GNAQ: variants seen among roughly 807,000 people sequenced by gnomAD.
GNAQ encodes the protein guanine nucleotide-binding protein G(q) subunit alpha.
Under a neutral mutation model 43.9 loss-of-function variants are expected in GNAQ, and 8 were observed. The ratio of observed to expected loss-of-function variants is 0.18; its 90% CI spans 0.11 to 0.33. The LOEUF is 0.33. Ranked by LOEUF, GNAQ falls within the 10% of genes least tolerant of loss-of-function variation. The pLI, the probability that GNAQ is intolerant of heterozygous loss-of-function variation, is 1.00. For missense variants in GNAQ, 158 were observed against 450.8 expected (o/e 0.35, Z 5.88); for synonymous variants, 155 against 170.7 (o/e 0.91, Z 0.71).
At chr9:78,028,020 TTATC>T (rs1436341116) in intron 1 of GNAQ, among the ~76,000 whole-genome samples, 1 of 152,122 alleles carries the variant, frequency 6.6e-6, no homozygotes, top group Non-Finnish European at 1.5e-5. Context: ...TTAAATGAGG[TTATC>T]TATGTACCAC....
intron 1 of GNAQ, among the ~76,000 whole-genome samples, chr9:77,943,456 G>A (rs1488892439): frequency 1.3e-5 from 2 of 152,128 alleles, no homozygotes; most frequent in African/African-American, 4.8e-5. Context: ...TTGACTTTCA[G>A]TAGTCACAGG....
At chr9:78,015,585 A>G (rs117197865) in intron 1 of GNAQ, among the ~76,000 whole-genome samples, 2,118 of 152,304 alleles carry the variant, frequency 0.014, 28 homozygotes, top group Non-Finnish European at 0.021. Flanking sequence ...ACAAACACAC[A>G]TATGCATTTT....
chr9:77,747,065 T>C lies in GNAQ; in HGVS notation c.736-18398A>G, dbSNP rs77985195. Among the ~76,000 whole-genome samples the C allele has an allele frequency of 3.3e-3, 509 of 152,216 alleles. 4 individuals are homozygous for C. Among genetic ancestry groups the C allele is most frequent in the African/African-American group, 0.012 (478 of 41,534 alleles). ...TACAGTTCTGGGAAGAAGATACATA[T>C]GAAACAGCTGGTGGTAGTTACCCAA... On this transcript the variant is annotated intron_variant, in intron 5 of 6. Coordinates refer to ENST00000286548, the MANE Select transcript of GNAQ (RefSeq NM_002072.5).
intron 1 of GNAQ, among the ~76,000 whole-genome samples, chr9:78,022,117 CAG>C (rs1032388683): frequency 6.6e-6 from 1 of 152,160 alleles, no homozygotes; most frequent in Non-Finnish European, 1.5e-5. Flanking sequence ...GCAGGGCACT[CAG>C]AGTTATTACA....
At chr9:77,728,149 C>A (rs1279145964) in intron 6 of GNAQ, among the ~76,000 whole-genome samples, 1 of 152,074 alleles carries the variant, frequency 6.6e-6, no homozygotes, top group Non-Finnish European at 1.5e-5. Context: ...TGCCTGCCAC[C>A]ACGCCCAGCT....
At chr9:77,935,365 TG>T (rs981026348) in intron 1 of GNAQ, among the ~76,000 whole-genome samples, 7 of 152,194 alleles carry the variant, frequency 4.6e-5, no homozygotes, top group Non-Finnish European at 1.0e-4. Flanking sequence ...CATTTCCAAA[TG>T]GCTATTTGGG....
intron 2 of GNAQ, among the ~76,000 whole-genome samples, chr9:77,873,009 G>A (rs1308081904): frequency 1.3e-5 from 2 of 152,230 alleles, no homozygotes; most frequent in Non-Finnish European, 2.9e-5. Flanking sequence ...AGACACTAGA[G>A]GGAAGGATTA....
intron 2 of GNAQ, among the ~76,000 whole-genome samples, chr9:77,836,513 C>T (rs1443751644): frequency 6.6e-6 from 1 of 152,074 alleles, no homozygotes; most frequent in Non-Finnish European, 1.5e-5. Context: ...AAAAGCAAAC[C>T]AGGTTCTAGG....
intron 1 of GNAQ, among the ~76,000 whole-genome samples, chr9:77,991,248 G>A (rs11145645): frequency 0.29 from 44,012 of 152,034 alleles, 6,530 homozygotes; most frequent in South Asian, 0.43. Context: ...TGGTAACATC[G>A]AACTAAACTG....
intron 2 of GNAQ, among the ~76,000 whole-genome samples, chr9:77,895,785 G>C (rs575083496): frequency 6.6e-6 from 1 of 152,046 alleles, no homozygotes; most frequent in East Asian, 1.9e-4. Context: ...GGATCTTTCC[G>C]GTGCTGTTCG....
chr9:77,925,308 T>C (rs979515364), intron 1 of GNAQ, among the ~76,000 whole-genome samples: 2 of 152,204 alleles, frequency 1.3e-5, no homozygotes, highest in African/African-American at 2.4e-5. Context: ...CTGTTCTCTA[T>C]AAATCTTTTA....
intron 1 of GNAQ, among the ~76,000 whole-genome samples, chr9:78,025,671 A>G (rs1587467296): frequency 6.6e-6 from 1 of 152,152 alleles, no homozygotes; most frequent in South Asian, 2.1e-4. Context: ...GGAGAAAGCA[A>G]TCCTAACCTC....
At position 77,922,275 on chromosome 9, in the gene GNAQ, A is replaced by T. The variant is rs1256109740; in HGVS notation, c.207T>A (p.Asp69Glu). 1 of 1,613,148 alleles carries T rather than the reference A, an allele frequency of 6.2e-7. No homozygotes were observed. The highest frequency in any genetic ancestry group is 1.7e-5 in the Admixed American group (1 of 60,016). Residue 69 changes from aspartate to glutamate, a missense_variant, in exon 2 of 7, where the codon GAT (aspartate) becomes GAA (glutamate). Around this residue, in one of 9 missense-constraint regions of GNAQ, gnomAD observed 57 missense variants for 78.2 expected, o/e 0.73. Coordinates refer to ENST00000286548, the MANE Select transcript of GNAQ (RefSeq NM_002072.5). ...GCTTGGTGAAGCCCCTTTTATCTTCATCAGAGTATCCTGACCCATGGATGA... is the reference window on the plus strand; with the variant it reads ...GCTTGGTGAAGCCCCTTTTATCTTCTTCAGAGTATCCTGACCCATGGATGA... ...MRIIHGSGYS[D>E]EDKRGFTKLV... is the part of the protein sequence containing the mutation.
intron 2 of GNAQ, among the ~76,000 whole-genome samples, chr9:77,834,371 T>C (rs1285473235): frequency 6.6e-6 from 1 of 152,224 alleles, no homozygotes; most frequent in African/African-American, 2.4e-5. Context: ...TACTCATTTG[T>C]TTAAGGTTTG....
chr9:77,911,864 C>T (rs976310691), intron 2 of GNAQ, among the ~76,000 whole-genome samples: 1 of 152,052 alleles, frequency 6.6e-6, no homozygotes, highest in African/African-American at 2.4e-5. Flanking sequence ...AATAAGGACA[C>T]TGATCTAAAA....
rs189483783 is a variant in GNAQ at position 77,899,772 on chromosome 9, G to A, written c.321+22389C>T. 1.6e-3 allele frequency among the ~76,000 whole-genome samples: 246 copies of A among 152,164 alleles called. 3 individuals carry two copies. The highest frequency in any genetic ancestry group is 5.5e-3 in the African/African-American group (230 of 41,510). On this transcript the variant is annotated intron_variant, in intron 2 of 6. Coordinates refer to ENST00000286548, the MANE Select transcript of GNAQ (RefSeq NM_002072.5). ...TCAGAGAACTTGGGCAGAGAATGGCGTCTCTGCACTTTTATGAGTGTTTCA... is the reference window on the plus strand; with the variant it reads ...TCAGAGAACTTGGGCAGAGAATGGCATCTCTGCACTTTTATGAGTGTTTCA...
At chr9:78,005,525 T>G (rs1209040122) in intron 1 of GNAQ, among the ~76,000 whole-genome samples, 1 of 152,188 alleles carries the variant, frequency 6.6e-6, no homozygotes, top group Non-Finnish European at 1.5e-5. Flanking sequence ...GTTCTATGTG[T>G]GCATAATAAT....
rs540060942 is a variant in GNAQ at position 78,016,153 on chromosome 9, G to A, written c.136+14947C>T. On this transcript the variant is annotated intron_variant, in intron 1 of 6. Transcript: ENST00000286548. ...ACAAAACTCTTAGTAGAAAAGAGACGTAAATTTTTGTGACCTTGGATTTTT... is the reference window on the plus strand; with the variant it reads ...ACAAAACTCTTAGTAGAAAAGAGACATAAATTTTTGTGACCTTGGATTTTT... Among the ~76,000 whole-genome samples, 11 of 152,216 alleles carry A rather than the reference G, an allele frequency of 7.2e-5. 1 individual carries two copies. The highest frequency in any genetic ancestry group is 2.1e-4 in the South Asian group (1 of 4,820).
chr9:77,732,286 G>A (rs1389866988), intron 5 of GNAQ, among the ~76,000 whole-genome samples: 1 of 152,094 alleles, frequency 6.6e-6, no homozygotes, highest in Non-Finnish European at 1.5e-5. Context: ...AGGCAGTCTG[G>A]GGGGTGGTGG....
Sources: gnomAD v4.1 joint callset for allele counts (sites outside exome capture counted in the v4.1 genomes callset) on GRCh38, gnomAD v4.1.1 for gene constraint, gnomAD v4.1.1 regional missense constraint, MANE v1.5 for transcripts, NCBI Gene and HGNC (gene_info 2026-07-23, HGNC 2026-07-21) for gene names.